Variants in GCN1 observed in about 807,000 individuals in gnomAD.
GCN1 encodes GCN1 activator of EIF2AK4.
A neutral mutation model predicts 288.4 loss-of-function variants in GCN1; 90 were observed. That is an observed-to-expected ratio of 0.31 (90% CI 0.26 to 0.37). The LOEUF is 0.37. Among genes scored for constraint, GCN1 ranks in the 10% least tolerant of loss-of-function variants. The pLI, the probability that GCN1 is intolerant of heterozygous loss-of-function variation, is 1.00. For synonymous variants in GCN1, 1,386 were observed against 1,420.2 expected (o/e 0.98, Z 0.54); for missense variants, 2,586 against 3,419.9 (o/e 0.76, Z 6.08).
rs1877094215 is a variant in GCN1 at position 120,138,796 on chromosome 12, C to T, written c.6055G>A (p.Glu2019Lys). 3 of 1,614,058 alleles carry T rather than the reference C, an allele frequency of 1.9e-6. No homozygotes were observed. Among genetic ancestry groups the T allele is most frequent in the Non-Finnish European group, 2.5e-6 (3 of 1,179,904 alleles). ...TARKALCDPLEEVREAAAKTF... is the reference protein window; with the variant it reads ...TARKALCDPLKEVREAAAKTF... Reference sequence around the variant, plus strand: ...TTGGCTGCCGCCTCTCTGACCTCCTCCAGTGGGTCACACAAAGCCTTCCTT... The same window carrying T: ...TTGGCTGCCGCCTCTCTGACCTCCTTCAGTGGGTCACACAAAGCCTTCCTT... The change falls in exon 46 of 58, where the codon GAG (glutamate) becomes AAG (lysine). Residue 2019 changes from glutamate to lysine, a missense_variant. This residue lies in a region of GCN1 where 437 missense variants were observed against 570.5 expected (regional missense o/e 0.77). Transcript: ENST00000300648.
In GCN1 at chr12:120,136,694, G is replaced by A. The variant is rs781218382; in HGVS notation, c.6816C>T (p.Val2272=). The A allele has an allele frequency of 9.3e-5, 150 of 1,613,796 alleles. No homozygotes were observed. The highest frequency in any genetic ancestry group is 1.2e-4 in the Non-Finnish European group (138 of 1,179,988). ...TSILPVLREG[V]LTGSPEQKEE... ...CCTTCTGCTCAGGGCTGCCAGTCAG[G>A]ACTCCTTCCCGCAACACTGGAAGGA... Residue 2272 remains valine (V), a synonymous_variant, in exon 51 of 58, where the codon GTC becomes GTT. Transcript: ENST00000300648.
chr12:120,150,605 A>AGAAC (rs1241808123), intron 34 of GCN1, among the ~76,000 whole-genome samples: 1 of 149,742 alleles, frequency 6.7e-6, no homozygotes, highest in East Asian at 2.0e-4. Flanking sequence ...AAAGAAAGAA[A>AGAAC]GAAAAGCCAA....
chr12:120,174,577 G>A (rs1463810812), intron 12 of GCN1, among the ~76,000 whole-genome samples: 1 of 151,958 alleles, frequency 6.6e-6, no homozygotes, highest in Admixed American at 6.6e-5. Context: ...TGCATCATGA[G>A]GTCAAGATCG....
At chr12:120,164,837 A>G in intron 16 of GCN1, 116 bp from the exon 17 acceptor site, 1 of 606,590 alleles carries the variant, frequency 1.6e-6, no homozygotes. Flanking sequence ...TATAAATGTG[A>G]TTATCACTCG....
intron 20 of GCN1, 92 bp downstream of exon 20, chr12:120,162,755 T>C (rs1170444202): frequency 5.6e-5 from 78 of 1,399,162 alleles, no homozygotes; most frequent in Non-Finnish European, 1.7e-5. Context: ...TCATCCATCT[T>C]CACCTGCTTC....
At chr12:120,175,631 C>T (rs1878457053) in intron 11 of GCN1, 115 bp downstream of exon 11, 1 of 1,098,416 alleles carries the variant, frequency 9.1e-7, no homozygotes, top group East Asian at 2.6e-5. Flanking sequence ...GTCCCCCTGG[C>T]CACACAGCCT....
intron 44 of GCN1, 68 bp from the exon 45 acceptor site, chr12:120,141,091 A>G: frequency 7.4e-7 from 1 of 1,358,706 alleles, no homozygotes; most frequent in Non-Finnish European, 1.0e-6. Context: ...GGAGGACTCC[A>G]GAATGAGGGC....
intron 23 of GCN1, 55 bp from the exon 24 acceptor site, chr12:120,160,078 A>G: frequency 1.3e-6 from 2 of 1,593,344 alleles, no homozygotes; most frequent in South Asian, 1.1e-5. Context: ...TGTGACAGCA[A>G]GCAGCAGGAC....
At chr12:120,186,060 G>A (rs1471026178) in intron 2 of GCN1, among the ~76,000 whole-genome samples, 1 of 152,042 alleles carries the variant, frequency 6.6e-6, no homozygotes, top group East Asian at 1.9e-4. Context: ...ATGGCTGGGG[G>A]CAGTGGCTCA....
chr12:120,175,298 C>A, intron 11 of GCN1, 86 bp from the exon 12 acceptor site: 1 of 1,205,650 alleles, frequency 8.3e-7, no homozygotes, highest in Non-Finnish European at 1.2e-6. Context: ...TGTGATGCCA[C>A]GATACGGTTT....
At chr12:120,129,138 C>G in intron 57 of GCN1, 138 bp downstream of exon 57, 2 of 766,238 alleles carry the variant, frequency 2.6e-6, no homozygotes, top group East Asian at 5.0e-5. Context: ...CCCAGTCACC[C>G]AAATCTTAAT....
In GCN1 at chr12:120,134,429, A is replaced by G. The variant is rs1250983140; in HGVS notation, c.7203-24T>C. ...CCCTGCAGAAGCAATGCACCGCCTTAAGCCCTGGGTGCCTCCACCACCACC... is the reference window on the plus strand; with the variant it reads ...CCCTGCAGAAGCAATGCACCGCCTTGAGCCCTGGGTGCCTCCACCACCACC... On this transcript the variant is annotated intron_variant, in intron 52 of 57. Coordinates refer to ENST00000300648, the MANE Select transcript of GCN1 (RefSeq NM_006836.2). The surrounding 1 kb of genome is among the most constrained non-coding windows in gnomAD (Gnocchi z 5.0). 1 of 1,597,608 alleles carries G rather than the reference A, an allele frequency of 6.3e-7. No homozygotes were observed. The highest frequency in any genetic ancestry group is 1.7e-5 in the Admixed American group (1 of 59,982).
At chr12:120,146,400 G>A (rs1877363335) in intron 38 of GCN1, among the ~76,000 whole-genome samples, 1 of 151,940 alleles carries the variant, frequency 6.6e-6, no homozygotes. Flanking sequence ...ACCCCAGGCT[G>A]GAGTGCGGTG....
In GCN1 at chr12:120,142,581, A is replaced by G. The variant is rs757543242; in HGVS notation, c.5755T>C (p.Leu1919=). The change falls in exon 44 of 58, where the codon TTG becomes CTG. Residue 1919 remains leucine (L), a synonymous_variant. Transcript: ENST00000300648. The surrounding 1 kb of genome is among the most constrained non-coding windows in gnomAD (Gnocchi z 4.9). ...AAGAGAGTGGGTAGGATCTCACGCA[A>G]GGTGCGGGGGGTATTGGAGACAACA... ...KIVVSNTPRT[L]REILPTLFGL... is the part of the protein sequence containing the mutation. 1.2e-6 allele frequency: 2 copies of G among 1,614,080 alleles called. No homozygotes were observed. Among genetic ancestry groups the G allele is most frequent in the South Asian group, 2.2e-5 (2 of 91,076 alleles).
At chr12:120,157,732 A>G in intron 26 of GCN1, 117 bp downstream of exon 26, 1 of 824,406 alleles carries the variant, frequency 1.2e-6, no homozygotes, top group East Asian at 2.6e-5. Context: ...TGCTGTTGGT[A>G]TAAACATACA....
chr12:120,171,199 C>G (rs1339222270), intron 14 of GCN1, among the ~76,000 whole-genome samples: 2 of 151,336 alleles, frequency 1.3e-5, no homozygotes, highest in Non-Finnish European at 2.9e-5. Context: ...GGCACGGTGG[C>G]TCATGCCTAT....
Position 120,190,285 on chromosome 12 carries a change from GA to G in GCN1, c.121+12del. ...TGAATATTGTCCAGGGTATGTGGATGAAAAATAAATACCTTTTCCAGCAACA... is the reference window on the plus strand; with the variant it reads ...TGAATATTGTCCAGGGTATGTGGATGAAAATAAATACCTTTTCCAGCAACA... On this transcript the variant is annotated intron_variant, in intron 2 of 57. Transcript: ENST00000300648. The G allele has an allele frequency of 1.6e-6, 2 of 1,223,076 alleles. No homozygotes were observed. Among genetic ancestry groups the G allele is most frequent in the Non-Finnish European group, 2.4e-6 (2 of 824,006 alleles). The allele number at this position is 1,223,076 out of a possible 1,614,324, so 75.8% of individuals were successfully genotyped here. A position where few individuals can be genotyped will look rare whatever the true frequency, so the allele number is the denominator to read the frequency against.
At chr12:120,170,539 T>C (rs1448094638) in intron 14 of GCN1, among the ~76,000 whole-genome samples, 3 of 152,190 alleles carry the variant, frequency 2.0e-5, no homozygotes, top group African/African-American at 4.8e-5. Context: ...CCAGGTGCGG[T>C]AGCTCACGTC....
chr12:120,139,350 C>T (rs572355779), intron 45 of GCN1, among the ~76,000 whole-genome samples: 32 of 150,086 alleles, frequency 2.1e-4, no homozygotes, highest in Admixed American at 8.6e-4. Flanking sequence ...AGAGGGGCCG[C>T]GCACAGTGGC....
Sources: gnomAD v4.1 joint callset for allele counts (sites outside exome capture counted in the v4.1 genomes callset) on GRCh38, gnomAD v4.1.1 for gene constraint, gnomAD v4.1.1 regional missense constraint, Gnocchi (gnomAD v3.1) non-coding constraint, MANE v1.5 for transcripts, NCBI Gene and HGNC (gene_info 2026-07-23, HGNC 2026-07-21) for gene names.